ASTL: variants seen among roughly 807,000 people sequenced by gnomAD.
The protein encoded by ASTL is astacin like metalloendopeptidase.
In ASTL, 27 loss-of-function variants were observed where a neutral mutation model predicts 36.7. The observed-to-expected ratio is 0.73, with a 90% CI of 0.54 to 1.01. The LOEUF (loss-of-function observed/expected upper bound fraction) is 1.01. ASTL is among the 50% of genes least tolerant of loss of function. ASTL has a pLI of 0.00. For synonymous variants in ASTL, 222 were observed against 228.1 expected, an observed-to-expected ratio of 0.97 and a Z score of 0.24; for missense variants, 524 against 572.8, an observed-to-expected ratio of 0.91 and a Z score of 0.87.
intron 8 of ASTL, among the ~76,000 whole-genome samples, chr2:96,126,405 A>G (rs1017358734): frequency 1.3e-5 from 2 of 152,258 alleles, no homozygotes; most frequent in African/African-American, 4.8e-5. Context: ...AAAGATGTTC[A>G]TCATTAGTTA....
rs1682005972 is a variant in ASTL at position 96,123,826 on chromosome 2, T to C, written c.*24A>G. ...TCCACTGGGCAGAGGATGCCCTCCC[T>C]ACTTGGGGACAGAAGCCACAGGCTT... On this transcript the variant is annotated 3_prime_UTR_variant, in exon 9 of 9. Transcript: ENST00000342380. The C allele has an allele frequency of 1.3e-6, 2 of 1,598,390 alleles. No individual in the cohort carries two copies. The highest frequency in any genetic ancestry group is 1.7e-6 in the Non-Finnish European group (2 of 1,170,536).
intron 2 of ASTL, among the ~76,000 whole-genome samples, chr2:96,135,798 C>G (rs889889562): frequency 6.6e-6 from 1 of 152,172 alleles, no homozygotes. Context: ...CAAGGCTTCT[C>G]GGCTGGACTG....
At chr2:96,125,196 C>A (rs898860660) in intron 8 of ASTL, among the ~76,000 whole-genome samples, 6 of 152,314 alleles carry the variant, frequency 3.9e-5, no homozygotes, top group Admixed American at 2.0e-4. Flanking sequence ...CCTCAACCAC[C>A]TTTCCCTGCT....
At position 96,137,609 on chromosome 2, in the gene ASTL, G is replaced by T. The variant is rs765956869; in HGVS notation, c.147C>A (p.Ala49=). 1.7e-5 allele frequency: 28 copies of T among 1,613,986 alleles called. No homozygotes were observed. The highest frequency in any genetic ancestry group is 1.9e-5 in the Non-Finnish European group (22 of 1,179,900). The change falls in exon 2 of 9, where the codon GCC becomes GCA. Residue 49 remains alanine, a synonymous_variant. Transcript: ENST00000342380. ...PDGLTPEGTQ[A]SGDKDIPAIN... ...TTGCAGGAATGTCCTTGTCCCCGGA[G>T]GCCTGGGTTCCCTCAGGGGTGAGGC...
rs908144098 is a variant in ASTL at position 96,132,620 on chromosome 2, T to C, written c.557A>G (p.His186Arg). 11 of 1,613,426 alleles carry C rather than the reference T, an allele frequency of 6.8e-6. No homozygotes were observed. Among genetic ancestry groups the C allele is most frequent in the African/African-American group, 2.7e-5 (2 of 74,916 alleles). Reference sequence around the variant, plus strand: ...GTGCTCGTGCCAGAAGCCCAGCACATGCATGAGCTCATGAAGGACAATGCC... The same window carrying C: ...GTGCTCGTGCCAGAAGCCCAGCACACGCATGAGCTCATGAAGGACAATGCC... The part of the protein sequence containing the change: ...GRGIVLHELM[H>R]VLGFWHEHTR... The change falls in exon 6 of 9, where the codon CAT (histidine) becomes CGT (arginine). Residue 186 changes from histidine (H) to arginine (R), a missense_variant. Coordinates refer to ENST00000342380, the MANE Select transcript of ASTL (RefSeq NM_001002036.4). The surrounding 1 kb of genome is among the most constrained non-coding windows in gnomAD (Gnocchi z 5.4).
rs1298411609 is a variant in ASTL, at chr2:96,138,473, A to G, written c.-37T>C. The stretch of plus-strand genomic sequence containing the variant: ...GCTGCCCCTTCAGCAAACAAGACCA[A>G]GCCCCAGCAAGACACAGTAACCTAA... On this transcript the variant is annotated 5_prime_UTR_variant, in exon 1 of 9. Coordinates refer to ENST00000342380, the MANE Select transcript of ASTL (RefSeq NM_001002036.4). 6.3e-7 allele frequency: 1 copy of G among 1,578,156 alleles called. No homozygotes were observed. Among genetic ancestry groups the G allele is most frequent in the Middle Eastern group, 1.7e-4 (1 of 6,002 alleles).
At chr2:96,136,699 T>C (rs561755171) in intron 2 of ASTL, among the ~76,000 whole-genome samples, 4 of 152,348 alleles carry the variant, frequency 2.6e-5, no homozygotes, top group East Asian at 1.9e-4. Context: ...GGTTGTCCCC[T>C]GTTCAGCCCG....
chr2:96,135,200 A>AC, intron 3 of ASTL, 151 bp downstream of exon 3: 1 of 608,220 alleles, frequency 1.6e-6, no homozygotes, highest in Admixed American at 3.0e-5. Flanking sequence ...TTCCTAACAG[A>AC]ACAGTCGCTC....
At chr2:96,125,306 G>A (rs1682043803) in intron 8 of ASTL, among the ~76,000 whole-genome samples, 1 of 152,084 alleles carries the variant, frequency 6.6e-6, no homozygotes, top group African/African-American at 2.4e-5. Context: ...CTTCTCCTTT[G>A]TTTCCATCCC....
intron 8 of ASTL, 142 bp downstream of exon 8, chr2:96,129,682 G>C: frequency 1.5e-6 from 1 of 680,462 alleles, no homozygotes; most frequent in South Asian, 3.1e-5. Flanking sequence ...TCAAGTGCTT[G>C]TTCTGCGTCG....
chr2:96,132,625 G>A lies in ASTL; in HGVS notation c.552C>T (p.Leu184=). The change falls in exon 6 of 9, where the codon CTC becomes CTT. Residue 184 remains leucine (L), a synonymous_variant. Coordinates refer to ENST00000342380, the MANE Select transcript of ASTL (RefSeq NM_001002036.4). The surrounding 1 kb of genome is among the most constrained non-coding windows in gnomAD (Gnocchi z 5.4). The stretch of plus-strand genomic sequence containing the variant: ...CGTGCCAGAAGCCCAGCACATGCAT[G>A]AGCTCATGAAGGACAATGCCCCGGC... The part of the protein sequence containing the change: ...QKGRGIVLHE[L]MHVLGFWHEH... 1 of 1,613,646 alleles carries A rather than the reference G, an allele frequency of 6.2e-7. No individual in the cohort carries two copies.
chr2:96,127,563 T>C (rs1682088913), intron 8 of ASTL, among the ~76,000 whole-genome samples: 1 of 152,116 alleles, frequency 6.6e-6, no homozygotes, highest in Admixed American at 6.5e-5. Context: ...TTAAGTCTCT[T>C]CCCATTTTTC....
chr2:96,136,659 C>G (rs891361326), intron 2 of ASTL, among the ~76,000 whole-genome samples: 1 of 152,180 alleles, frequency 6.6e-6, no homozygotes, highest in Non-Finnish European at 1.5e-5. Context: ...GCTACCACAT[C>G]TGGTAGGATC....
chr2:96,137,675 G>C lies in ASTL; in HGVS notation c.81C>G (p.Ala27=), dbSNP rs1472643195. The part of the protein sequence containing the change: ...LPGVILGAPL[A]SSCAGACGTS... Reference sequence around the variant, plus strand: ...TACCACAGGCTCCTGCGCAGCTGGAGGCCAGGGGCGCTCCTAGGATCACAC... The same window carrying C: ...TACCACAGGCTCCTGCGCAGCTGGACGCCAGGGGCGCTCCTAGGATCACAC... The change falls in exon 2 of 9, where the codon GCC becomes GCG. Residue 27 remains alanine, a synonymous_variant. Transcript: ENST00000342380. The C allele has an allele frequency of 1.2e-6, 2 of 1,613,368 alleles. No individual in the cohort carries two copies. Among genetic ancestry groups the C allele is most frequent in the African/African-American group, 2.7e-5 (2 of 74,908 alleles).
chr2:96,130,228 T>G, intron 6 of ASTL, 83 bp from the exon 7 acceptor site: 1 of 1,086,830 alleles, frequency 9.2e-7, no homozygotes, highest in Non-Finnish European at 1.4e-6. Flanking sequence ...GAGAGTCTTC[T>G]GGGAGCTCAT....
chr2:96,125,604 C>T (rs1367251780), intron 8 of ASTL, among the ~76,000 whole-genome samples: 3 of 152,192 alleles, frequency 2.0e-5, no homozygotes, highest in Non-Finnish European at 4.4e-5. Context: ...CAGGCCTTTC[C>T]ACCACCTCCC....
In ASTL at chr2:96,132,567, G is replaced by C. The variant is rs143172084; in HGVS notation, c.610C>G (p.Arg204Gly). Residue 204 changes from arginine (R) to glycine (G), a missense_variant, in exon 6 of 9, where the codon CGT (arginine) becomes GGT (glycine). Transcript: ENST00000342380. This position sits in a 1 kb window ranked among gnomAD's most constrained non-coding sequence, Gnocchi z 5.4. ...HTRADRDRYIRVNWNEILPGF... is the reference protein window; with the variant it reads ...HTRADRDRYIGVNWNEILPGF... ...GGCAGGATCTCGTTCCAGTTGACAC[G>C]GATATAGCGGTCCCGGTCGGCCCGC... The C allele has an allele frequency of 2.5e-6, 4 of 1,607,634 alleles. No homozygotes were observed. The highest frequency in any genetic ancestry group is 3.4e-6 in the Non-Finnish European group (4 of 1,175,102).
In ASTL at chr2:96,132,664, C is replaced by T. The variant is rs778436747; in HGVS notation, c.513G>A (p.Thr171=). 1.4e-5 allele frequency: 23 copies of T among 1,613,302 alleles called. No individual in the cohort carries two copies. The highest frequency in any genetic ancestry group is 1.6e-4 in the Middle Eastern group (1 of 6,080). The change falls in exon 6 of 9, where the codon ACG becomes ACA. Residue 171 remains threonine, a synonymous_variant. Coordinates refer to ENST00000342380, the MANE Select transcript of ASTL (RefSeq NM_001002036.4). This position sits in a 1 kb window ranked among gnomAD's most constrained non-coding sequence, Gnocchi z 5.4. ...CAATGCCCCGGCCCTTCTGGAGACACGTGGGCGCCAGGGAGACCACCTGCA... is the reference window on the plus strand; with the variant it reads ...CAATGCCCCGGCCCTTCTGGAGACATGTGGGCGCCAGGGAGACCACCTGCA... ...GGMQVVSLAP[T]CLQKGRGIVL...
In ASTL at chr2:96,122,941, G is replaced by C. The variant is rs1267487158; in HGVS notation, c.*909C>G. On this transcript the variant is annotated 3_prime_UTR_variant, in exon 9 of 9. Transcript: ENST00000342380. ...AAAACAGTACCCTTGGGGACTGAGG[G>C]GCCTCTGGCCTAGGCCCACTCATTG... is the stretch of plus-strand genomic sequence containing the variant. 6.6e-6 allele frequency among the ~76,000 whole-genome samples: 1 copy of C among 152,210 alleles called. No individual in the cohort carries two copies. The highest frequency in any genetic ancestry group is 2.4e-5 in the African/African-American group (1 of 41,452).
Sources: allele counts gnomAD v4.1 joint callset (sites outside exome capture counted in the v4.1 genomes callset), GRCh38; gene constraint gnomAD v4.1.1; non-coding constraint Gnocchi (gnomAD v3.1); transcripts MANE v1.5; gene names NCBI Gene and HGNC (gene_info 2026-07-23, HGNC 2026-07-21).